The following OTUD7B variants were observed in gnomAD, a reference collection of about 807,000 sequenced individuals.
OTUD7B encodes the protein OTU deubiquitinase 7B, also known as OTU domain-containing protein 7B.
A neutral mutation model predicts 82.2 loss-of-function variants in OTUD7B; 34 were observed. The ratio of observed to expected loss-of-function variants is 0.41; its 90% CI spans 0.31 to 0.55. OTUD7B has a LOEUF of 0.55. Among genes scored for constraint, OTUD7B ranks in the 20% least tolerant of loss-of-function variants. The probability of loss-of-function intolerance (pLI) is 0.20; values close to 1 mark genes in which losing one functional copy is unlikely to be tolerated. For missense variants in OTUD7B, 944 were observed against 1,062.1 expected (o/e 0.89, Z 1.55); for synonymous variants, 398 against 402.7 (o/e 0.99, Z 0.14).
At chr1:149,973,086 C>G (rs1312386808) in intron 2 of OTUD7B, among the ~76,000 whole-genome samples, 2 of 152,208 alleles carry the variant, frequency 1.3e-5, no homozygotes. Flanking sequence ...TCTTATTATC[C>G]ATTTTTATTG....
the OTUD7B span, among the ~76,000 whole-genome samples, chr1:150,055,343 T>C: frequency 6.6e-6 from 1 of 150,882 alleles, no homozygotes; most frequent in Non-Finnish European, 1.5e-5. Flanking sequence ...CGGCCTGGTG[T>C]TCTAAATTTC....
the OTUD7B span, among the ~76,000 whole-genome samples, chr1:150,017,214 C>CAG: frequency 1.3e-5 from 2 of 152,284 alleles, no homozygotes; most frequent in African/African-American, 4.8e-5. Context: ...TAGGAGAACT[C>CAG]CTAAGAAGAA....
chr1:150,031,937 A>T, the OTUD7B span, among the ~76,000 whole-genome samples: 1 of 152,352 alleles, frequency 6.6e-6, no homozygotes, highest in African/African-American at 2.4e-5. Flanking sequence ...GAGAAGAGAT[A>T]TAACTATAAA....
upstream of OTUD7B, among the ~76,000 whole-genome samples, chr1:150,015,086 A>C (rs1653227579): frequency 6.6e-6 from 1 of 152,154 alleles, no homozygotes; most frequent in Non-Finnish European, 1.5e-5. Context: ...GACCCACGAC[A>C]GTCATTTATT....
At chr1:150,002,885 C>T (rs1652386680) in intron 1 of OTUD7B, among the ~76,000 whole-genome samples, 1 of 152,166 alleles carries the variant, frequency 6.6e-6, no homozygotes, top group Non-Finnish European at 1.5e-5. Flanking sequence ...TCCAATCCAC[C>T]CTACACACCA....
At chr1:149,966,415 A>T (rs1401928879) in intron 4 of OTUD7B, among the ~76,000 whole-genome samples, 2 of 152,162 alleles carry the variant, frequency 1.3e-5, no homozygotes, top group Non-Finnish European at 2.9e-5. Context: ...CAAAACAAAA[A>T]CAACTCAAAG....
At chr1:149,983,168 T>C (rs1650904708) in intron 1 of OTUD7B, among the ~76,000 whole-genome samples, 1 of 152,190 alleles carries the variant, frequency 6.6e-6, no homozygotes, top group Non-Finnish European at 1.5e-5. Context: ...TCTGTACTTT[T>C]AAACCTGCCT....
chr1:150,006,912 T>C (rs1353891199), intron 1 of OTUD7B, among the ~76,000 whole-genome samples: 5 of 152,244 alleles, frequency 3.3e-5, no homozygotes, highest in African/African-American at 1.2e-4. Context: ...GCCTGATTCC[T>C]TGTCCCTGAG....
Position 149,944,944 on chromosome 1 carries a change from C to T in OTUD7B, c.1445G>A (p.Gly482Asp). Residue 482 changes from glycine to aspartate, a missense_variant, in exon 12 of 12, where the codon GGC becomes GAC. Around this residue, in one of 3 missense-constraint regions of OTUD7B, gnomAD observed 530 missense variants for 625.6 expected, o/e 0.85. Coordinates refer to ENST00000581312, the MANE Select transcript of OTUD7B (RefSeq NM_020205.4). ...TCGCTTTGACTTCTCCTTCCGCCGG[C>T]CGCCCTCGTTGCTGGTGGAACTGCT... ...VGSSSTSNEG[G>D]RRKEKSKRDR... 6.2e-7 allele frequency: 1 copy of T among 1,614,194 alleles called. No homozygotes were observed. The highest frequency in any genetic ancestry group is 1.1e-5 in the South Asian group (1 of 91,088).
chr1:149,988,529 G>A (rs781892355), intron 1 of OTUD7B, among the ~76,000 whole-genome samples: 2 of 152,094 alleles, frequency 1.3e-5, no homozygotes, highest in African/African-American at 4.8e-5. Flanking sequence ...ACTGATAAAG[G>A]CTCCTTAAAT....
the OTUD7B span, among the ~76,000 whole-genome samples, chr1:150,049,021 A>G: frequency 2.6e-5 from 4 of 151,854 alleles, no homozygotes; most frequent in African/African-American, 4.8e-5. Context: ...TTTTTTCAGT[A>G]GAGATGAGGT....
chr1:150,028,083 T>C, the OTUD7B span, among the ~76,000 whole-genome samples: 1 of 152,236 alleles, frequency 6.6e-6, no homozygotes, highest in Non-Finnish European at 1.5e-5. Context: ...ATACTTATGT[T>C]TTCACTAGAT....
the OTUD7B span, among the ~76,000 whole-genome samples, chr1:150,048,209 C>T: frequency 6.6e-6 from 1 of 152,098 alleles, no homozygotes; most frequent in Non-Finnish European, 1.5e-5. Flanking sequence ...CACCCTTCCA[C>T]CAGAAGTTAA....
chr1:150,039,958 T>G, the OTUD7B span, among the ~76,000 whole-genome samples: 1 of 152,208 alleles, frequency 6.6e-6, no homozygotes, highest in East Asian at 1.9e-4. Flanking sequence ...TTGCTTCCTT[T>G]CCAGTATTTA....
At chr1:150,010,199 G>A (rs957478089) in intron 1 of OTUD7B, among the ~76,000 whole-genome samples, 4 of 151,936 alleles carry the variant, frequency 2.6e-5, no homozygotes, top group Admixed American at 2.6e-4. Context: ...GCTCAGGAAG[G>A]GAGGCCGGGA....
At chr1:150,057,713 T>C in the OTUD7B span, among the ~76,000 whole-genome samples, 5,544 of 152,294 alleles carry the variant, frequency 0.036, 326 homozygotes, top group African/African-American at 0.12. Flanking sequence ...CCCATGATTC[T>C]GAGGTTCTGT....
intron 2 of OTUD7B, among the ~76,000 whole-genome samples, chr1:149,975,674 GTGAC>G (rs1180598457): frequency 6.6e-6 from 1 of 152,116 alleles, no homozygotes; most frequent in Non-Finnish European, 1.5e-5. Flanking sequence ...TCACCAAGAG[GTGAC>G]AAGTCAGGCC....
At chr1:150,008,728 G>A (rs955093910) in intron 1 of OTUD7B, among the ~76,000 whole-genome samples, 2 of 152,072 alleles carry the variant, frequency 1.3e-5, no homozygotes, top group African/African-American at 4.8e-5. Flanking sequence ...TCATGTTAAC[G>A]GATAATTATT....
intron 6 of OTUD7B, chr1:149,962,942 T>A (rs1553775847): frequency 1.3e-5 from 2 of 152,206 alleles, no homozygotes; most frequent in Non-Finnish European, 2.9e-5. Context: ...GAATGTCAAG[T>A]ACTTATGTGG....
Sources: gnomAD v4.1 joint callset for allele counts (sites outside exome capture counted in the v4.1 genomes callset) on GRCh38, gnomAD v4.1.1 for gene constraint, gnomAD v4.1.1 regional missense constraint, MANE v1.5 for transcripts, NCBI Gene and HGNC (gene_info 2026-07-23, HGNC 2026-07-21) for gene names.